GCH1: variants seen among roughly 807,000 people sequenced by gnomAD.
GCH1 encodes the protein GTP cyclohydrolase 1.
A neutral mutation model predicts 25.9 loss-of-function variants in GCH1; 5 were observed. That is an observed-to-expected ratio of 0.19 (90% CI 0.10 to 0.41). GCH1 has a LOEUF of 0.41. GCH1 is among the 10% of genes least tolerant of loss of function. The pLI is 1.00. For synonymous variants in GCH1, 159 were observed against 129.6 expected (o/e 1.23, Z -1.54); for missense variants, 261 against 336.5 (o/e 0.78, Z 1.75).
intron 1 of GCH1, among the ~76,000 whole-genome samples, chr14:54,878,862 C>A (rs1449315004): frequency 1.3e-5 from 2 of 152,168 alleles, no homozygotes; most frequent in Admixed American, 6.5e-5. Flanking sequence ...CTCCCAGACT[C>A]AAGCAATCCT....
intron 3 of GCH1, among the ~76,000 whole-genome samples, chr14:54,853,454 G>T: frequency 6.6e-6 from 1 of 152,182 alleles, no homozygotes; most frequent in East Asian, 1.9e-4. Flanking sequence ...ACAGAATCCA[G>T]ACTGTGGCTT....
At chr14:54,892,165 T>C (rs551129053) in intron 1 of GCH1, among the ~76,000 whole-genome samples, 3 of 152,260 alleles carry the variant, frequency 2.0e-5, no homozygotes, top group African/African-American at 7.2e-5. Context: ...CAGCACATGG[T>C]AAGTGCTTAG....
intron 3 of GCH1, among the ~76,000 whole-genome samples, chr14:54,855,753 G>C (rs1485513145): frequency 6.6e-6 from 1 of 152,070 alleles, no homozygotes; most frequent in Non-Finnish European, 1.5e-5. Flanking sequence ...GGCAGAGGTT[G>C]CAGTGAGCCA....
intron 1 of GCH1, among the ~76,000 whole-genome samples, chr14:54,873,694 C>T (rs1177894412): frequency 1.3e-5 from 2 of 152,090 alleles, no homozygotes; most frequent in Non-Finnish European, 2.9e-5. Context: ...ATACAAACTA[C>T]CATCAGAGAA....
At chr14:54,847,210 G>A in intron 3 of GCH1, 80 bp from the exon 4 acceptor site, 1 of 623,728 alleles carries the variant, frequency 1.6e-6, no homozygotes, top group Non-Finnish European at 2.9e-6. Flanking sequence ...AAACAAAAAG[G>A]ACATTGTTGA....
intron 1 of GCH1, among the ~76,000 whole-genome samples, 193 bp from the exon 2 acceptor site, chr14:54,865,629 C>G (rs746248383): frequency 1.3e-5 from 2 of 152,066 alleles, no homozygotes; most frequent in African/African-American, 2.4e-5. Context: ...TTTAAAAATC[C>G]TTGATACAGT....
At chr14:54,892,029 A>C (rs1325786531) in intron 1 of GCH1, among the ~76,000 whole-genome samples, 1 of 152,230 alleles carries the variant, frequency 6.6e-6, no homozygotes, top group Non-Finnish European at 1.5e-5. Flanking sequence ...TAATGAACAA[A>C]ATCATTACGC....
chr14:54,850,215 G>A (rs537962504), intron 3 of GCH1, among the ~76,000 whole-genome samples: 39 of 151,786 alleles, frequency 2.6e-4, no homozygotes, highest in African/African-American at 8.5e-4. Flanking sequence ...CTCATGATCC[G>A]CCTGCCTTGG....
At chr14:54,884,790 C>T (rs552941568) in intron 1 of GCH1, 2 of 136,674 alleles carry the variant, frequency 1.5e-5, no homozygotes, top group Admixed American at 1.4e-4. Flanking sequence ...ACAACAACAA[C>T]AACAACAACA....
chr14:54,888,605 C>A (rs1245825674), intron 1 of GCH1, among the ~76,000 whole-genome samples: 1 of 152,002 alleles, frequency 6.6e-6, no homozygotes, highest in Non-Finnish European at 1.5e-5. Flanking sequence ...CTCTGCCTCC[C>A]GGGTTCACAC....
rs367726781 is a variant in GCH1 at position 54,866,053 on chromosome 14, A to G, written c.344-617T>C. Reference sequence around the variant, plus strand: ...TGCCTCTCTGGGAAGGCTTTGGAAGATAAGCAGTGTCTTGTTTAAGCTGTG... The same window carrying G: ...TGCCTCTCTGGGAAGGCTTTGGAAGGTAAGCAGTGTCTTGTTTAAGCTGTG... On this transcript the variant is annotated intron_variant, in intron 1 of 5. Coordinates refer to ENST00000491895, the MANE Select transcript of GCH1 (RefSeq NM_000161.3). Among the ~76,000 whole-genome samples, 141 of 152,280 alleles carry G rather than the reference A, an allele frequency of 9.3e-4. 3 individuals carry two copies. The South Asian group carries it at 0.028, about 31-fold the overall frequency.
chr14:54,896,572 AT>A (rs1243442618), intron 1 of GCH1, among the ~76,000 whole-genome samples: 1 of 152,122 alleles, frequency 6.6e-6, no homozygotes, highest in Non-Finnish European at 1.5e-5. Context: ...TGCATTTTAC[AT>A]CTGGAGCCAG....
In GCH1 at chr14:54,898,824, T is replaced by C. The variant is rs139091786; in HGVS notation, c.343+3497A>G. 9.6e-3 allele frequency among the ~76,000 whole-genome samples: 1,459 copies of C among 152,306 alleles called. 28 individuals are homozygous for C. The highest frequency in any genetic ancestry group is 0.033 in the African/African-American group (1,369 of 41,570). On this transcript the variant is annotated intron_variant, in intron 1 of 5. Transcript: ENST00000491895. The stretch of plus-strand genomic sequence containing the variant: ...TAGTAGAGATGGGGTTTCAACATGT[T>C]GGCCAGGCTGGTCTCTTTCTAACTC...
chr14:54,872,490 C>A (rs1003214793), intron 1 of GCH1, among the ~76,000 whole-genome samples: 2 of 152,172 alleles, frequency 1.3e-5, no homozygotes, highest in African/African-American at 4.8e-5. Context: ...CAAATTCACA[C>A]ATAACAATAT....
intron 1 of GCH1, among the ~76,000 whole-genome samples, chr14:54,866,270 G>C (rs2039988139): frequency 2.6e-5 from 4 of 152,098 alleles, no homozygotes; most frequent in Admixed American, 2.6e-4. Flanking sequence ...ATGCTGAAGA[G>C]GGATAGAGGG....
At chr14:54,891,044 A>G (rs571456618) in intron 1 of GCH1, among the ~76,000 whole-genome samples, 1 of 152,214 alleles carries the variant, frequency 6.6e-6, no homozygotes. Context: ...ACCCTTGGTC[A>G]AACATGGTCT....
At position 54,902,681 on chromosome 14, in the gene GCH1, T is replaced by C; in HGVS notation, c.-18A>G. On this transcript the variant is annotated 5_prime_UTR_variant, in exon 1 of 6. Transcript: ENST00000491895. ...TTCTCCATGGACCCGCCGCAGCCGC[T>C]GCCGTTCGGGAAGGACCCCGGGGCG... 1.4e-6 allele frequency: 2 copies of C among 1,437,578 alleles called. No homozygotes were observed. Among genetic ancestry groups the C allele is most frequent in the Non-Finnish European group, 1.8e-6 (2 of 1,101,958 alleles). The allele number at this position is 1,437,578 out of a possible 1,614,324, so 89.1% of individuals were successfully genotyped here.
At chr14:54,852,580 G>A (rs959039019) in intron 3 of GCH1, among the ~76,000 whole-genome samples, 3 of 152,200 alleles carry the variant, frequency 2.0e-5, no homozygotes, top group Admixed American at 2.0e-4. Flanking sequence ...ACAGATGTGG[G>A]AGAAAACATG....
rs748309367 is a variant in GCH1 at position 54,847,144 on chromosome 14, A to T, written c.510-14T>A. ...ATTTCTACAATCCTAGAAAAGAAAG[A>T]ATTGTTTTAGTTAATCACAAATCAT... On this transcript the variant is annotated splice_polypyrimidine_tract_variant and intron_variant, in intron 3 of 5. Transcript: ENST00000491895. The T allele has an allele frequency of 2.0e-5, 19 of 963,594 alleles. No homozygotes were observed. In the Middle Eastern group the frequency reaches 6.5e-4, roughly 33 times the overall value. 59.7% of individuals were successfully genotyped at this position (963,594 alleles called of 1,614,324 possible). A position where few individuals can be genotyped will look rare whatever the true frequency, so the allele number is the denominator to read the frequency against.
Sources: gnomAD v4.1 joint callset for allele counts (sites outside exome capture counted in the v4.1 genomes callset) on GRCh38, gnomAD v4.1.1 for gene constraint, MANE v1.5 for transcripts, NCBI Gene and HGNC (gene_info 2026-07-23, HGNC 2026-07-21) for gene names.